DMD: variants seen among roughly 807,000 people sequenced by gnomAD.
DMD encodes the protein dystrophin, also known as mutant dystrophin.
In DMD, 63 loss-of-function variants were observed where a neutral mutation model predicts 330.1. The observed-to-expected ratio is 0.19, with a 90% CI of 0.16 to 0.24. DMD has a LOEUF of 0.24. Among genes scored for constraint, DMD ranks in the 10% least tolerant of loss-of-function variants. DMD has a pLI of 1.00. For missense variants in DMD, 3,344 were observed against 2,684.1 expected (o/e 1.25, Z -5.43); for synonymous variants, 1,223 against 959.8 (o/e 1.27, Z -5.07).
intron 7 of DMD, among the ~76,000 whole-genome samples, chrX:32,716,829 C>G (rs1323664388): frequency 9.0e-6 from 1 of 111,541 alleles, no homozygotes; most frequent in Non-Finnish European, 1.9e-5. Flanking sequence ...AATGCTTTAA[C>G]AAAAAGAGAT....
intron 15 of DMD, among the ~76,000 whole-genome samples, chrX:32,570,531 G>A (rs990835582): frequency 8.9e-6 from 1 of 111,909 alleles, no homozygotes; most frequent in Non-Finnish European, 1.9e-5. Context: ...TTAACATAGA[G>A]GCACATTATT....
chrX:32,458,803 G>A (rs908975923), intron 25 of DMD, among the ~76,000 whole-genome samples: 1 of 111,459 alleles, frequency 9.0e-6, no homozygotes, highest in African/African-American at 3.3e-5. Context: ...TTAGAGAAAT[G>A]ACTATTCAAG....
At chrX:32,265,943 G>A (rs149435618) in intron 43 of DMD, among the ~76,000 whole-genome samples, 14,355 of 111,308 alleles carry the variant, frequency 0.13, 843 homozygotes, top group East Asian at 0.31. Flanking sequence ...GTTAATGCTA[G>A]AGTGAGTTAA....
chrX:32,427,715 T>C (rs1026877847), intron 29 of DMD, among the ~76,000 whole-genome samples: 5 of 111,253 alleles, frequency 4.5e-5, no homozygotes, highest in Non-Finnish European at 9.4e-5. Flanking sequence ...GAATTATCTA[T>C]TCCTAGAAAG....
chrX:32,170,376 G>A (rs1170059215), intron 44 of DMD, among the ~76,000 whole-genome samples: 2 of 109,294 alleles, frequency 1.8e-5, no homozygotes, highest in East Asian at 5.8e-4. Flanking sequence ...GGAGGCTGAG[G>A]CAGGAGAATC....
intron 62 of DMD, among the ~76,000 whole-genome samples, chrX:31,304,482 C>A (rs2054878506): frequency 9.1e-6 from 1 of 109,871 alleles, no homozygotes; most frequent in East Asian, 2.8e-4. Flanking sequence ...TTATATATGT[C>A]TTTATAGTCT....
chrX:31,773,724 C>CTTTTTTTTTTTTTTT (rs762551529), intron 51 of DMD, among the ~76,000 whole-genome samples: 2 of 53,557 alleles, frequency 3.7e-5, no homozygotes, highest in African/African-American at 7.6e-5. Flanking sequence ...AAGGTTTCTG[C>CTTTTTTTTTTTTTTT]TTTTTTTTTT....
At chrX:32,785,873 T>C (rs946545660) in intron 7 of DMD, among the ~76,000 whole-genome samples, 1 of 111,592 alleles carries the variant, frequency 9.0e-6, no homozygotes, top group Non-Finnish European at 1.9e-5. Flanking sequence ...TCTTCAGTCT[T>C]TTAAAACCTA....
At chrX:33,051,166 T>A (rs1265301267) in intron 1 of DMD, among the ~76,000 whole-genome samples, 2 of 110,812 alleles carry the variant, frequency 1.8e-5, no homozygotes, top group Non-Finnish European at 3.8e-5. Context: ...TAACACACAC[T>A]TTTTTAGCAG....
chrX:33,292,308 T>C (rs2053523785), intron 1 of DMD, among the ~76,000 whole-genome samples: 1 of 111,868 alleles, frequency 8.9e-6, no homozygotes. Context: ...GTAGCGAAGA[T>C]AATATCTATG....
chrX:32,883,323 A>T lies in DMD; in HGVS notation c.94-33503T>A, dbSNP rs180937150. The stretch of plus-strand genomic sequence containing the variant: ...ACTTATTTATTAAATTTATAATACA[A>T]TGAAATCTGAGTTTTCTATTACTCT... On this transcript the variant is annotated intron_variant, in intron 2 of 78. Transcript: ENST00000357033. Among the ~76,000 whole-genome samples, 770 of 111,902 alleles carry T rather than the reference A, an allele frequency of 6.9e-3. 6 individuals carry two copies. Among genetic ancestry groups the T allele is most frequent in the African/African-American group, 0.024 (746 of 30,794 alleles).
intron 33 of DMD, among the ~76,000 whole-genome samples, chrX:32,381,841 A>G (rs2097926575): frequency 9.0e-6 from 1 of 110,863 alleles, no homozygotes; most frequent in South Asian, 3.7e-4. Flanking sequence ...TCTGAACAAT[A>G]GATATAAATA....
chrX:32,701,064 A>C (rs2064082921), intron 7 of DMD, among the ~76,000 whole-genome samples: 1 of 112,194 alleles, frequency 8.9e-6, no homozygotes, highest in African/African-American at 3.2e-5. Flanking sequence ...CTCAATTCTT[A>C]ATGTACATAT....
intron 2 of DMD, among the ~76,000 whole-genome samples, chrX:32,970,956 ATTG>A (rs1410205467): frequency 1.5e-5 from 1 of 67,418 alleles, no homozygotes; most frequent in East Asian, 4.7e-4. Context: ...TTCTTCTGTT[ATTG>A]TTGTTGTTTT....
At chrX:32,442,834 A>T (rs1445821459) in intron 27 of DMD, among the ~76,000 whole-genome samples, 3 of 111,128 alleles carry the variant, frequency 2.7e-5, no homozygotes, top group African/African-American at 9.8e-5. Flanking sequence ...AAAAAGAACC[A>T]TAAGAATGAA....
At chrX:31,920,834 A>G (rs1219758178) in intron 47 of DMD, among the ~76,000 whole-genome samples, 1 of 112,559 alleles carries the variant, frequency 8.9e-6, no homozygotes, top group African/African-American at 3.2e-5. Context: ...TACTTAAGTG[A>G]CACATTTACA....
intron 2 of DMD, among the ~76,000 whole-genome samples, chrX:32,969,934 G>A (rs1407447199): frequency 1.1e-5 from 1 of 94,819 alleles, no homozygotes; most frequent in Non-Finnish European, 2.0e-5. Flanking sequence ...TAAATGAAGG[G>A]CAAACTCCTT....
At chrX:32,380,095 C>A (rs777630649) in intron 34 of DMD, among the ~76,000 whole-genome samples, 4 of 111,142 alleles carry the variant, frequency 3.6e-5, no homozygotes, top group African/African-American at 1.3e-4. Context: ...TTCTGAAATG[C>A]GACTTTGGCA....
At chrX:31,260,156 G>A (rs1183585150) in intron 63 of DMD, among the ~76,000 whole-genome samples, 2 of 111,483 alleles carry the variant, frequency 1.8e-5, no homozygotes, top group Non-Finnish European at 3.8e-5. Context: ...CAGAAGAACC[G>A]CCATGAGCCC....
Sources: gnomAD v4.1 joint callset for allele counts (sites outside exome capture counted in the v4.1 genomes callset) on GRCh38, gnomAD v4.1.1 for gene constraint, MANE v1.5 for transcripts, NCBI Gene and HGNC (gene_info 2026-07-23, HGNC 2026-07-21) for gene names.